The following ELFN2 variants were observed in gnomAD, a reference collection of about 807,000 sequenced individuals.
The protein encoded by ELFN2 is protein phosphatase 1 regulatory subunit 29.
ELFN2 carries 17 observed loss-of-function variants against 45.5 expected under a neutral mutation model. That is an observed-to-expected ratio of 0.37 (90% confidence interval 0.26 to 0.56). ELFN2 has a LOEUF of 0.56. Among genes scored for constraint, ELFN2 ranks in the 20% least tolerant of loss-of-function variants. The probability of loss-of-function intolerance (pLI) is 0.77; values close to 1 mark genes in which losing one functional copy is unlikely to be tolerated. For missense variants in ELFN2, 922 were observed against 1,183.2 expected (o/e 0.78, Z 3.24); for synonymous variants, 550 against 551.5 (o/e 1.00, Z 0.04).
chr22:37,344,284 C>T (rs1160736932), intron 1 of ELFN2, among the ~76,000 whole-genome samples: 1 of 148,360 alleles, frequency 6.7e-6, no homozygotes, highest in African/African-American at 2.5e-5. Context: ...AGCCACCAAC[C>T]CTCCCACAGC....
chr22:37,394,996 G>A (rs990580560), intron 2 of ELFN2, among the ~76,000 whole-genome samples: 5 of 151,972 alleles, frequency 3.3e-5, no homozygotes, highest in Admixed American at 2.6e-4. Context: ...CCAGCTACTC[G>A]GGAGGCTGAG....
chr22:37,425,119 C>A (rs1932838407), intron 1 of ELFN2, among the ~76,000 whole-genome samples: 1 of 152,220 alleles, frequency 6.6e-6, no homozygotes, highest in African/African-American at 2.4e-5. Flanking sequence ...CTGGCTATGG[C>A]CATTTTCTAT....
chr22:37,391,961 A>G (rs993942884), intron 2 of ELFN2, among the ~76,000 whole-genome samples: 1 of 152,212 alleles, frequency 6.6e-6, no homozygotes, highest in African/African-American at 2.4e-5. Flanking sequence ...TCAGAGCCTC[A>G]GTTTCCCCAA....
chr22:37,345,430 A>G (rs1222264317), intron 1 of ELFN2, among the ~76,000 whole-genome samples: 1 of 152,124 alleles, frequency 6.6e-6, no homozygotes, highest in Non-Finnish European at 1.5e-5. Flanking sequence ...TGCATTAATA[A>G]CAACCCCTGC....
intron 2 of ELFN2, among the ~76,000 whole-genome samples, chr22:37,394,213 C>A (rs971090272): frequency 2.0e-5 from 3 of 152,220 alleles, no homozygotes; most frequent in African/African-American, 7.2e-5. Context: ...CACCTCGACA[C>A]CTCTCCAGGC....
At chr22:37,400,304 G>T (rs1485737715) in intron 2 of ELFN2, among the ~76,000 whole-genome samples, 1 of 151,944 alleles carries the variant, frequency 6.6e-6, no homozygotes, top group Non-Finnish European at 1.5e-5. Flanking sequence ...ACAGAGAGCT[G>T]CCCCCACTGA....
intron 2 of ELFN2, among the ~76,000 whole-genome samples, chr22:37,407,517 C>T (rs1264914287): frequency 6.6e-6 from 1 of 152,150 alleles, no homozygotes; most frequent in Admixed American, 6.5e-5. Context: ...GATAGAGGAA[C>T]GTGCTCTGTA....
chr22:37,346,894 G>A (rs1353902087), intron 1 of ELFN2, among the ~76,000 whole-genome samples: 2 of 152,074 alleles, frequency 1.3e-5, no homozygotes, highest in African/African-American at 2.4e-5. Context: ...CAGAGACAGG[G>A]CGTGGCTGGA....
intron 1 of ELFN2, among the ~76,000 whole-genome samples, chr22:37,426,169 G>A (rs1932847303): frequency 6.6e-6 from 1 of 152,056 alleles, no homozygotes; most frequent in African/African-American, 2.4e-5. Context: ...AGTCCAGGGG[G>A]AAGGGGCACA....
At position 37,373,671 on chromosome 22, in the gene ELFN2, C is replaced by A. The variant is rs962768922; in HGVS notation, c.1864G>T (p.Ala622Ser). ...CTGCAGGTCTTGCGGGTCACGGCCG[C>A]GTCGGCGCTCAGCTGGCGCTGTAGT... ...HPLQRQLSAD[A>S]AVTRKTCSVS... The change falls in exon 3 of 3, where the codon GCG (alanine) becomes TCG (serine). Residue 622 changes from alanine (A) to serine (S), a missense_variant. Transcript: ENST00000402918. 6 of 1,572,110 alleles carry A rather than the reference C, an allele frequency of 3.8e-6. No individual in the cohort carries two copies. Among genetic ancestry groups the A allele is most frequent in the Admixed American group, 1.9e-5 (1 of 52,938 alleles).
At chr22:37,401,129 G>A (rs1242564883) in intron 2 of ELFN2, among the ~76,000 whole-genome samples, 1 of 152,208 alleles carries the variant, frequency 6.6e-6, no homozygotes, top group Admixed American at 6.5e-5. Flanking sequence ...GGCCAGGTGG[G>A]GCTGCCTGGT....
chr22:37,390,819 A>C (rs574898951), intron 2 of ELFN2, among the ~76,000 whole-genome samples: 2 of 152,156 alleles, frequency 1.3e-5, no homozygotes, highest in South Asian at 4.2e-4. Context: ...TGACTGCCAG[A>C]AGGTTCTTTA....
intron 2 of ELFN2, among the ~76,000 whole-genome samples, chr22:37,413,655 A>C (rs1197395760): frequency 6.6e-6 from 1 of 152,198 alleles, no homozygotes; most frequent in Non-Finnish European, 1.5e-5. Context: ...CTAAGCTCAA[A>C]GCCCACTGCC....
chr22:37,382,098 C>T (rs1931800497), intron 2 of ELFN2, among the ~76,000 whole-genome samples: 1 of 152,096 alleles, frequency 6.6e-6, no homozygotes, highest in South Asian at 2.1e-4. Context: ...CCTTATGCCT[C>T]CCATTTTACA....
intron 2 of ELFN2, among the ~76,000 whole-genome samples, chr22:37,388,146 A>T (rs1276163313): frequency 6.6e-6 from 1 of 151,928 alleles, no homozygotes; most frequent in Admixed American, 6.6e-5. Context: ...CTAGAACATC[A>T]ACCTGAGCAT....
At position 37,372,936 on chromosome 22, in the gene ELFN2, G is replaced by A. The variant is rs759034259; in HGVS notation, c.*136C>T. On this transcript the variant is annotated 3_prime_UTR_variant, in exon 3 of 3. Transcript: ENST00000402918. The surrounding 1 kb of genome is among the most constrained non-coding windows in gnomAD (Gnocchi z 4.4). ...GGTGGTCAGGTGTGTGTGTGCGTGCGTGCGTGCGGGTCTGCATGTGCGTCC... is the reference window on the plus strand; with the variant it reads ...GGTGGTCAGGTGTGTGTGTGCGTGCATGCGTGCGGGTCTGCATGTGCGTCC... The A allele has an allele frequency of 3.0e-5, 27 of 910,820 alleles. No individual in the cohort carries two copies. The highest frequency in any genetic ancestry group is 3.4e-4 in the Middle Eastern group (1 of 2,932). 56.4% of individuals were successfully genotyped at this position (910,820 alleles called of 1,614,324 possible).
Position 37,375,226 on chromosome 22 carries a change from C to G in ELFN2, c.309G>C (p.Ser103=). 2 of 1,614,040 alleles carry G rather than the reference C, an allele frequency of 1.2e-6. No homozygotes were observed. The highest frequency in any genetic ancestry group is 1.7e-6 in the Non-Finnish European group (2 of 1,180,006). The part of the protein sequence containing the change: ...YIEDGAFLGQ[S]SLQVLQLGYN... ...AGCCCAGCTGCAGGACCTGCAGGCT[C>G]GACTGGCCCAGGAAGGCACCGTCCT... The change falls in exon 3 of 3, where the codon TCG becomes TCC. Residue 103 remains serine (S), a synonymous_variant. Coordinates refer to ENST00000402918, the MANE Select transcript of ELFN2 (RefSeq NM_052906.5).
chr22:37,355,790 G>GAGTGC (rs2145617777), intron 1 of ELFN2, among the ~76,000 whole-genome samples: 1 of 152,320 alleles, frequency 6.6e-6, no homozygotes, highest in East Asian at 1.9e-4. Flanking sequence ...GTGCTCCGCA[G>GAGTGC]AGTGCAGTCC....
At position 37,417,332 on chromosome 22, in the gene ELFN2, A is replaced by C. The variant is rs1380278650; in HGVS notation, c.-463+437T>G. On this transcript the variant is annotated intron_variant, in intron 2 of 2. Transcript: ENST00000402918. This position sits in a 1 kb window ranked among gnomAD's most constrained non-coding sequence, Gnocchi z 4.5. ...GCTCACTTCCAGCCTCTCTCTCTAC[A>C]ATGGACAGACCCCCACCTGAGCGAG... Among the ~76,000 whole-genome samples the C allele has an allele frequency of 6.6e-6, 1 of 151,974 alleles. No homozygotes were observed. The highest frequency in any genetic ancestry group is 1.5e-5 in the Non-Finnish European group (1 of 68,006).
Sources: gnomAD v4.1 joint callset for allele counts (sites outside exome capture counted in the v4.1 genomes callset) on GRCh38, gnomAD v4.1.1 for gene constraint, Gnocchi (gnomAD v3.1) non-coding constraint, MANE v1.5 for transcripts, NCBI Gene and HGNC (gene_info 2026-07-23, HGNC 2026-07-21) for gene names.